The following CSMD3 variants were observed in gnomAD, a reference collection of about 807,000 sequenced individuals.
CSMD3 encodes CUB and Sushi multiple domains 3.
Under a neutral mutation model 435.2 loss-of-function variants are expected in CSMD3, and 177 were observed. That is an observed-to-expected ratio of 0.41 (90% CI 0.36 to 0.46). The LOEUF (loss-of-function observed/expected upper bound fraction) is 0.46, where lower values mean the gene tolerates loss of function less well. Ranked by LOEUF, CSMD3 falls within the 20% of genes least tolerant of loss-of-function variation. The pLI, the probability that CSMD3 is intolerant of heterozygous loss-of-function variation, is 0.34. For synonymous variants in CSMD3, 1,656 were observed against 1,520.5 expected (o/e 1.09, Z -2.07); for missense variants, 4,265 against 4,504.6 (o/e 0.95, Z 1.52).
intron 10 of CSMD3, among the ~76,000 whole-genome samples, chr8:112,888,815 C>A (rs1289850793): frequency 6.6e-6 from 1 of 151,538 alleles, no homozygotes; most frequent in East Asian, 2.0e-4. Context: ...GGGCAGGAAG[C>A]AAGATGCAGA....
intron 13 of CSMD3, among the ~76,000 whole-genome samples, chr8:112,763,547 CATTTTA>C (rs1335290183): frequency 6.8e-6 from 1 of 147,438 alleles, no homozygotes; most frequent in Non-Finnish European, 1.5e-5. Context: ...TGAACATTTT[CATTTTA>C]AACAACTATT....
Position 113,134,704 on chromosome 8 carries a change from T to C in CSMD3, c.710-35741A>G, listed in dbSNP as rs1280068836. Among the ~76,000 whole-genome samples the C allele has an allele frequency of 2.0e-5, 3 of 152,062 alleles. No homozygotes were observed. The East Asian group carries it at 5.8e-4, about 29-fold the overall frequency. On this transcript the variant is annotated intron_variant, in intron 4 of 70. Transcript: ENST00000297405. Reference sequence around the variant, plus strand: ...TCAACAGCCTTTATATTTACATATGTATATACTCCAGGTTGGATGTGGTCT... The same window carrying C: ...TCAACAGCCTTTATATTTACATATGCATATACTCCAGGTTGGATGTGGTCT...
rs543679470 is a variant in CSMD3 at position 112,720,630 on chromosome 8, G to A, written c.1973-30580C>T. ...AACTGAGATGGTGACACTCTGAACC[G>A]CAGCATAGTACCTATCCAGGATGTG... is the stretch of plus-strand genomic sequence containing the variant. On this transcript the variant is annotated intron_variant, in intron 13 of 70. Coordinates refer to ENST00000297405, the MANE Select transcript of CSMD3 (RefSeq NM_198123.2). Among the ~76,000 whole-genome samples, 791 of 152,170 alleles carry A rather than the reference G, an allele frequency of 5.2e-3. 8 individuals carry two copies. Among genetic ancestry groups the A allele is most frequent in the African/African-American group, 0.017 (709 of 41,530 alleles).
rs143979095 is a variant in CSMD3, at chr8:112,306,069, G to C, written c.8009C>G (p.Thr2670Ser). ...DGYRLSSKEL[T>S]TAVCQSDGTW... is the part of the protein sequence containing the mutation. ...TCCATCTGATTGGCATACAGCTGTA[G>C]TGAGTTCTTTGGATGACAATCGATA... is the stretch of plus-strand genomic sequence containing the variant. The change falls in exon 51 of 71, where the codon ACT (threonine) becomes AGT (serine). Residue 2670 changes from threonine (T) to serine (S), a missense_variant. Physicochemically the swap from Thr to Ser is moderately conservative, Grantham distance 58. This residue lies in a region of CSMD3 where 3,255 missense variants were observed against 3,380.2 expected (regional missense o/e 0.96). Transcript: ENST00000297405. 1.9e-6 allele frequency: 3 copies of C among 1,613,626 alleles called. No individual in the cohort carries two copies. In the African/African-American group the frequency reaches 4.0e-5, roughly 22 times the overall value.
chr8:112,317,861 A>G (rs1378959535), intron 47 of CSMD3, among the ~76,000 whole-genome samples: 1 of 152,094 alleles, frequency 6.6e-6, no homozygotes, highest in African/African-American at 2.4e-5. Context: ...AAGATACTGC[A>G]CAAGAAACAG....
intron 32 of CSMD3, among the ~76,000 whole-genome samples, chr8:112,418,563 T>C (rs953148235): frequency 1.3e-5 from 2 of 152,286 alleles, no homozygotes; most frequent in African/African-American, 4.8e-5. Context: ...ATTTAAAGAT[T>C]ATTACAAGAT....
intron 3 of CSMD3, among the ~76,000 whole-genome samples, chr8:113,242,005 C>G (rs994571930): frequency 6.6e-6 from 1 of 150,796 alleles, no homozygotes; most frequent in Non-Finnish European, 1.5e-5. Context: ...TACATATATA[C>G]ATATTTTACT....
intron 1 of CSMD3, among the ~76,000 whole-genome samples, chr8:113,432,243 T>G (rs2094678570): frequency 6.6e-6 from 1 of 152,164 alleles, no homozygotes; most frequent in Non-Finnish European, 1.5e-5. Context: ...CAGCTCCGAA[T>G]TCTGGTAACC....
chr8:112,321,630 G>A (rs1245866623), intron 45 of CSMD3, among the ~76,000 whole-genome samples: 4 of 152,140 alleles, frequency 2.6e-5, no homozygotes, highest in Admixed American at 1.3e-4. Flanking sequence ...AGAAAAGAAA[G>A]ACTTTTCAAA....
At position 112,710,246 on chromosome 8, in the gene CSMD3, A is replaced by T. The variant is rs576224979; in HGVS notation, c.1973-20196T>A. Reference sequence around the variant, plus strand: ...GAATTTAAGATAAACTATGAGTGACAAACAGTGGTGTCAAGTTCTTTTACT... The same window carrying T: ...GAATTTAAGATAAACTATGAGTGACTAACAGTGGTGTCAAGTTCTTTTACT... On this transcript the variant is annotated intron_variant, in intron 13 of 70. Transcript: ENST00000297405. Among the ~76,000 whole-genome samples the T allele has an allele frequency of 9.2e-5, 14 of 152,262 alleles. No homozygotes were observed. In the South Asian group the frequency reaches 2.9e-3, roughly 32 times the overall value.
intron 1 of CSMD3, chr8:113,377,104 G>C (rs997519752): frequency 1.6e-6 from 2 of 1,274,984 alleles, no homozygotes; most frequent in African/African-American, 1.5e-5. Context: ...CTCCCCCAAG[G>C]GCTGCGGCGT....
In CSMD3 at chr8:112,292,599, C is replaced by A. The variant is rs535482642; in HGVS notation, c.8726G>T (p.Gly2909Val). ...FSCNIGYLMQGPTKAQCQANR... is the reference protein window; with the variant it reads ...FSCNIGYLMQVPTKAQCQANR... Reference sequence around the variant, plus strand: ...GGCCTGGCACTGTGCCTTTGTTGGCCCTTGCATAAGATACCCAATATTGCA... The same window carrying A: ...GGCCTGGCACTGTGCCTTTGTTGGCACTTGCATAAGATACCCAATATTGCA... The change falls in exon 55 of 71, where the codon GGG (glycine) becomes GTG (valine). Residue 2909 changes from glycine to valine, a missense_variant. Physicochemically the swap from Gly to Val is moderately radical, Grantham distance 109 (BLOSUM62 -3). This residue lies in a region of CSMD3 where 3,255 missense variants were observed against 3,380.2 expected (regional missense o/e 0.96). Coordinates refer to ENST00000297405, the MANE Select transcript of CSMD3 (RefSeq NM_198123.2). 2 of 1,613,658 alleles carry A rather than the reference C, an allele frequency of 1.2e-6. No homozygotes were observed. The highest frequency in any genetic ancestry group is 2.2e-5 in the South Asian group (2 of 91,068).
chr8:113,078,920 G>C (rs1268026808), intron 5 of CSMD3, among the ~76,000 whole-genome samples: 1 of 152,104 alleles, frequency 6.6e-6, no homozygotes, highest in Non-Finnish European at 1.5e-5. Flanking sequence ...TACTGGGAAG[G>C]TTAGAGTCCT....
intron 2 of CSMD3, among the ~76,000 whole-genome samples, chr8:113,285,472 G>T (rs2093640012): frequency 6.6e-6 from 1 of 152,062 alleles, no homozygotes; most frequent in Non-Finnish European, 1.5e-5. Context: ...TGTTAGCCAG[G>T]ATGGTCTCGA....
At chr8:113,345,547 T>C (rs1335646258) in intron 1 of CSMD3, among the ~76,000 whole-genome samples, 1 of 152,142 alleles carries the variant, frequency 6.6e-6, no homozygotes, top group African/African-American at 2.4e-5. Context: ...CAATGAGAAG[T>C]TCCCCTTAGA....
intron 10 of CSMD3, among the ~76,000 whole-genome samples, chr8:112,885,284 G>A (rs2081557694): frequency 6.6e-6 from 1 of 151,438 alleles, no homozygotes. Context: ...ACTCTGTGGA[G>A]GTGAAACAGA....
intron 38 of CSMD3, among the ~76,000 whole-genome samples, chr8:112,365,444 G>GA (rs1320483296): frequency 6.0e-4 from 79 of 131,122 alleles, no homozygotes; most frequent in African/African-American, 1.8e-3. Context: ...TGTATATTAT[G>GA]AAAAAAAATT....
chr8:113,035,818 T>C (rs1036645041), intron 5 of CSMD3, among the ~76,000 whole-genome samples: 19 of 151,942 alleles, frequency 1.3e-4, no homozygotes, highest in African/African-American at 4.6e-4. Flanking sequence ...ATCTTCCCTA[T>C]GGTTAGAGGA....
intron 5 of CSMD3, among the ~76,000 whole-genome samples, chr8:113,084,885 A>G (rs528322375): frequency 6.6e-6 from 1 of 152,150 alleles, no homozygotes; most frequent in Admixed American, 6.5e-5. Context: ...TTCAATAAAT[A>G]GTATTAAGAA....
Sources: gnomAD v4.1 joint callset for allele counts (sites outside exome capture counted in the v4.1 genomes callset) on GRCh38, gnomAD v4.1.1 for gene constraint, gnomAD v4.1.1 regional missense constraint, MANE v1.5 for transcripts, NCBI Gene and HGNC (gene_info 2026-07-23, HGNC 2026-07-21) for gene names.